Variants in ARHGEF4 observed in about 807,000 individuals in gnomAD.
ARHGEF4 encodes the protein APC-stimulated guanine nucleotide exchange factor 1.
In ARHGEF4, 119 loss-of-function variants were observed where a neutral mutation model predicts 162.0. The ratio of observed to expected loss-of-function variants is 0.73; its 90% CI spans 0.63 to 0.86. The LOEUF (loss-of-function observed/expected upper bound fraction) is 0.86. ARHGEF4 is among the 40% of genes least tolerant of loss of function. The pLI is 0.00. For missense variants in ARHGEF4, 2,488 were observed against 2,456.0 expected (o/e 1.01, Z -0.28); for synonymous variants, 1,014 against 979.9 (o/e 1.03, Z -0.65).
At chr2:131,028,125 G>A (rs1486103260) in intron 5 of ARHGEF4, 41 bp downstream of exon 5, 14 of 1,608,556 alleles carry the variant, frequency 8.7e-6, no homozygotes, top group Non-Finnish European at 1.2e-5. Flanking sequence ...GGACAGGCTG[G>A]GGCTACAGGC....
intron 1 of ARHGEF4, among the ~76,000 whole-genome samples, chr2:130,879,406 C>G (rs149524206): frequency 1.3e-5 from 2 of 152,192 alleles, no homozygotes; most frequent in South Asian, 2.1e-4. Context: ...ATCAAGCCAC[C>G]TAACATATGC....
chr2:131,037,747 C>G (rs1187181239), intron 5 of ARHGEF4, among the ~76,000 whole-genome samples: 1 of 152,188 alleles, frequency 6.6e-6, no homozygotes, highest in Non-Finnish European at 1.5e-5. Flanking sequence ...AGGGGAGCGT[C>G]CAGTGTCTTA....
At chr2:131,005,754 G>T (rs189233998) in intron 4 of ARHGEF4, among the ~76,000 whole-genome samples, 113 of 152,256 alleles carry the variant, frequency 7.4e-4, no homozygotes, top group Middle Eastern at 6.8e-3. Context: ...GAGATGCGCC[G>T]TGGACCACAG....
chr2:130,902,063 G>T (rs1680516574), intron 1 of ARHGEF4, among the ~76,000 whole-genome samples: 1 of 152,200 alleles, frequency 6.6e-6, no homozygotes, highest in Non-Finnish European at 1.5e-5. Context: ...AGCAACACCG[G>T]TGCTTCTTCA....
Position 131,046,431 on chromosome 2 carries a change from T to C in ARHGEF4, c.*242T>C, listed in dbSNP as rs1691270807. The C allele has an allele frequency of 5.7e-6, 3 of 527,846 alleles. No homozygotes were observed. In the Admixed American group the frequency reaches 1.0e-4, roughly 18 times the overall value. 32.7% of individuals were successfully genotyped at this position (527,846 alleles called of 1,614,324 possible). The stretch of plus-strand genomic sequence containing the variant: ...GCACTCGCCACACCGCCGCTGCAGC[T>C]TGGGCCCCATCCGCCCTCTGGACCT... On this transcript the variant is annotated 3_prime_UTR_variant, in exon 14 of 14. Transcript: ENST00000409359.
Position 130,916,085 on chromosome 2 carries a change from T to G in ARHGEF4, c.2139T>G (p.Leu713=), listed in dbSNP as rs1388792614. Residue 713 remains leucine (L), a synonymous_variant, in exon 2 of 14, where the codon CTT becomes CTG. Transcript: ENST00000409359. ...ALQRVAQAAE[L]GRVLVPQAAS... is the part of the protein sequence containing the mutation. ...AGCGGGTGGCCCAGGCCGCAGAGCT[T>G]GGGAGAGTGCTGGTCCCCCAAGCTG... is the stretch of plus-strand genomic sequence containing the variant. 7.1e-6 allele frequency: 11 copies of G among 1,546,746 alleles called. No individual in the cohort carries two copies. The highest frequency in any genetic ancestry group is 9.6e-6 in the Non-Finnish European group (11 of 1,145,980).
chr2:130,870,517 G>A (rs55634121), intron 1 of ARHGEF4, among the ~76,000 whole-genome samples: 3,992 of 152,204 alleles, frequency 0.026, 103 homozygotes, highest in East Asian at 0.1. Flanking sequence ...GTGTTTGTGC[G>A]GCCCTCATTT....
intron 4 of ARHGEF4, among the ~76,000 whole-genome samples, chr2:130,976,486 A>G (rs967897734): frequency 3.3e-5 from 5 of 152,118 alleles, no homozygotes; most frequent in Non-Finnish European, 5.9e-5. Flanking sequence ...TGGGAAGAGA[A>G]TAGTTAGGCA....
intron 1 of ARHGEF4, among the ~76,000 whole-genome samples, chr2:130,840,556 C>T (rs1680536897): frequency 6.6e-6 from 1 of 152,184 alleles, no homozygotes; most frequent in African/African-American, 2.4e-5. Flanking sequence ...CCACAGAAGC[C>T]TCCACACCAT....
chr2:130,838,665 G>A (rs531299402), intron 1 of ARHGEF4, among the ~76,000 whole-genome samples: 5 of 151,748 alleles, frequency 3.3e-5, no homozygotes, highest in Middle Eastern at 3.4e-3. Flanking sequence ...AAGGAGGGAG[G>A]GAAGGAAGGA....
chr2:131,013,137 G>T (rs1462911939), intron 4 of ARHGEF4, among the ~76,000 whole-genome samples: 1 of 151,842 alleles, frequency 6.6e-6, no homozygotes, highest in Non-Finnish European at 1.5e-5. Context: ...AGAGGAGGAA[G>T]CACAGGGCAC....
chr2:130,958,377 C>G (rs1684418038), intron 4 of ARHGEF4, among the ~76,000 whole-genome samples: 1 of 150,310 alleles, frequency 6.7e-6, no homozygotes, highest in Non-Finnish European at 1.5e-5. Flanking sequence ...ATGGATGTTT[C>G]TTTTTTTTTG....
rs188932022 is a variant in ARHGEF4 at position 131,007,999 on chromosome 2, G to T, written c.3986-19946G>T. Reference sequence around the variant, plus strand: ...AGCTAATTTTTGTATTTTTAGTAGAGACAGGGTTTCGCCATGTTGGCCAGG... The same window carrying T: ...AGCTAATTTTTGTATTTTTAGTAGATACAGGGTTTCGCCATGTTGGCCAGG... On this transcript the variant is annotated intron_variant, in intron 4 of 13. Transcript: ENST00000409359. Among the ~76,000 whole-genome samples the T allele has an allele frequency of 5.4e-3, 818 of 151,526 alleles. 6 individuals carry two copies. The highest frequency in any genetic ancestry group is 0.018 in the African/African-American group (749 of 41,340).
chr2:130,912,582 CAT>C (rs898486296), intron 1 of ARHGEF4, among the ~76,000 whole-genome samples: 18 of 152,282 alleles, frequency 1.2e-4, no homozygotes, highest in African/African-American at 4.3e-4. Context: ...CCTGGGAAAC[CAT>C]GCCTGGGAGG....
chr2:130,851,458 A>C (rs1681406467), intron 1 of ARHGEF4, among the ~76,000 whole-genome samples: 1 of 152,202 alleles, frequency 6.6e-6, no homozygotes, highest in Non-Finnish European at 1.5e-5. Context: ...CTCAGCCAGA[A>C]CCGGGTGCGG....
Position 131,040,177 on chromosome 2 carries a change from G to A in ARHGEF4, c.4467G>A (p.Leu1489=), listed in dbSNP as rs769934055. 12 of 1,611,042 alleles carry A rather than the reference G, an allele frequency of 7.4e-6. No homozygotes were observed. The highest frequency in any genetic ancestry group is 1.7e-4 in the Middle Eastern group (1 of 6,052). Residue 1489 remains leucine, a synonymous_variant, in exon 7 of 14, where the codon CTG becomes CTA. Coordinates refer to ENST00000409359, the MANE Select transcript of ARHGEF4 (RefSeq NM_001367493.1). The stretch of plus-strand genomic sequence containing the variant: ...CTGAGCGGGACTACATCAAGCACCT[G>A]CGCGACATCTGCGAGGTGAGGCCCG... ...LSTERDYIKH[L]RDICEGYVRQ...
chr2:131,034,872 A>G, intron 5 of ARHGEF4: 1 of 608,522 alleles, frequency 1.6e-6, no homozygotes, highest in Non-Finnish European at 2.1e-6. Flanking sequence ...GAGCCTCTCC[A>G]GCCCGCCGCC....
intron 5 of ARHGEF4, among the ~76,000 whole-genome samples, chr2:131,033,665 G>A (rs1690022947): frequency 1.3e-5 from 2 of 152,176 alleles, no homozygotes; most frequent in Admixed American, 1.3e-4. Context: ...CGAGACTTTA[G>A]ATGTCTTCTG....
intron 1 of ARHGEF4, among the ~76,000 whole-genome samples, chr2:130,867,822 C>T (rs1462711957): frequency 1.3e-5 from 2 of 152,198 alleles, no homozygotes; most frequent in African/African-American, 4.8e-5. Flanking sequence ...CCCGGTCCCA[C>T]TGCTGCTGTT....
Sources: gnomAD v4.1 joint callset for allele counts (sites outside exome capture counted in the v4.1 genomes callset) on GRCh38, gnomAD v4.1.1 for gene constraint, MANE v1.5 for transcripts, NCBI Gene and HGNC (gene_info 2026-07-23, HGNC 2026-07-21) for gene names.